CYP3A4: variants seen among roughly 807,000 people sequenced by gnomAD.
CYP3A4 encodes cytochrome P450 family 3 subfamily A member 4, also known as cytochrome P450 3A4.
Under a neutral mutation model 54.9 loss-of-function variants are expected in CYP3A4, and 41 were observed. The observed-to-expected ratio is 0.75, with a 90% CI of 0.58 to 0.97. The LOEUF (loss-of-function observed/expected upper bound fraction) is 0.97. CYP3A4 is among the 50% of genes least tolerant of loss of function. The pLI, the probability that CYP3A4 is intolerant of heterozygous loss-of-function variation, is 0.00. For missense variants in CYP3A4, 510 were observed against 597.3 expected, an observed-to-expected ratio of 0.85 and a Z score of 1.52; for synonymous variants, 179 against 205.2, an observed-to-expected ratio of 0.87 and a Z score of 1.09.
At chr7:99,770,264 C>T (rs1238906809) in intron 4 of CYP3A4, 29 bp from the exon 5 acceptor site, 1 of 1,575,496 alleles carries the variant, frequency 6.3e-7, no homozygotes, top group African/African-American at 1.3e-5. Context: ...ACATTTTGTC[C>T]TACATCAGTT....
chr7:99,766,410 A>G lies in CYP3A4; in HGVS notation c.832T>C (p.Ser278Pro), dbSNP rs1332049048. The part of the protein sequence containing the change: ...RVDFLQLMID[S>P]QNSKETESHK... The stretch of plus-strand genomic sequence containing the variant: ...GACTCAGTTTCTTTTGAATTCTGAG[A>G]GTCAATCATCAGCTGAAGGAAATCC... Residue 278 changes from serine to proline, a missense_variant, in exon 9 of 13, where the codon TCT (serine) becomes CCT (proline). This residue lies in a region of CYP3A4 where 238 missense variants were observed against 322.5 expected (regional missense o/e 0.74). Coordinates refer to ENST00000651514, the MANE Select transcript of CYP3A4 (RefSeq NM_017460.6). 1.2e-6 allele frequency: 2 copies of G among 1,613,578 alleles called. No individual in the cohort carries two copies. Among genetic ancestry groups the G allele is most frequent in the Non-Finnish European group, 1.7e-6 (2 of 1,179,740 alleles).
intron 10 of CYP3A4, 119 bp from the exon 11 acceptor site, chr7:99,762,386 C>T (rs1416395672): frequency 3.7e-6 from 5 of 1,333,818 alleles, no homozygotes; most frequent in Admixed American, 2.1e-5. Flanking sequence ...GGTAAAGGAT[C>T]GAAGCATTTA....
intron 3 of CYP3A4, among the ~76,000 whole-genome samples, chr7:99,773,680 G>A (rs1394515491): frequency 6.6e-6 from 1 of 152,164 alleles, no homozygotes; most frequent in Admixed American, 6.6e-5. Context: ...CAGAATCTCT[G>A]GGACACATTT....
chr7:99,774,472 A>C (rs1357203441), intron 3 of CYP3A4, among the ~76,000 whole-genome samples: 1 of 152,200 alleles, frequency 6.6e-6, no homozygotes, highest in African/African-American at 2.4e-5. Context: ...ATCCAGCAAA[A>C]CATCAAAAAG....
intron 1 of CYP3A4, among the ~76,000 whole-genome samples, chr7:99,782,766 G>A (rs565087173): frequency 3.7e-4 from 57 of 152,206 alleles, no homozygotes; most frequent in African/African-American, 1.2e-3. Context: ...TGCCCTGAGC[G>A]TTTAACATAA....
chr7:99,779,776 A>C (rs1815867813), intron 2 of CYP3A4, among the ~76,000 whole-genome samples: 1 of 152,136 alleles, frequency 6.6e-6, no homozygotes. Flanking sequence ...GATCTACCTG[A>C]GATTTGGGCT....
Position 99,758,106 on chromosome 7 carries a change from G to T in CYP3A4, c.*27C>A, listed in dbSNP as rs192313684. On this transcript the variant is annotated 3_prime_UTR_variant, in exon 13 of 13. Coordinates refer to ENST00000651514, the MANE Select transcript of CYP3A4 (RefSeq NM_017460.6). ...TGTTCTCAGGCACAGATTTCTTGAA[G>T]AGCAAAGCAGAAGTCCTTAGGAAAA... is the stretch of plus-strand genomic sequence containing the variant. 6.3e-7 allele frequency: 1 copy of T among 1,583,934 alleles called. No individual in the cohort carries two copies. Among genetic ancestry groups the T allele is most frequent in the Non-Finnish European group, 8.7e-7 (1 of 1,152,768 alleles).
chr7:99,764,138 G>T, intron 9 of CYP3A4, 123 bp from the exon 10 acceptor site: 1 of 1,395,736 alleles, frequency 7.2e-7, no homozygotes, highest in South Asian at 1.3e-5. Context: ...AAGCAATTCA[G>T]AGGTACACTG....
At position 99,760,941 on chromosome 7, in the gene CYP3A4, A is replaced by G; in HGVS notation, c.1294T>C (p.Tyr432His). 1 of 1,614,082 alleles carries G rather than the reference A, an allele frequency of 6.2e-7. No individual in the cohort carries two copies. The highest frequency in any genetic ancestry group is 8.5e-7 in the Non-Finnish European group (1 of 1,179,972). The change falls in exon 12 of 13, where the codon TAC becomes CAC. Residue 432 changes from tyrosine to histidine, a missense_variant. Physicochemically the swap from Tyr to His is moderately conservative, Grantham distance 83. Coordinates refer to ENST00000651514, the MANE Select transcript of CYP3A4 (RefSeq NM_017460.6). ...CTGGGTCCACTTCCAAAGGGTGTGT[A>G]TATGTAAGGATCTATGTTGTCCTTG... ...KNKDNIDPYI[Y>H]TPFGSGPRNC...
At chr7:99,769,984 A>G in intron 5 of CYP3A4, 128 bp from the exon 6 acceptor site, 2 of 1,561,564 alleles carry the variant, frequency 1.3e-6, no homozygotes, top group South Asian at 2.2e-5. Flanking sequence ...TTTTCTGTAC[A>G]TAAAGATAAA....
At chr7:99,769,634 A>T (rs1403961665) in intron 6 of CYP3A4, 134 bp downstream of exon 6, 5 of 823,470 alleles carry the variant, frequency 6.1e-6, no homozygotes, top group Non-Finnish European at 9.9e-6. Context: ...TGGGAGACCC[A>T]TTGAAGTTGC....
intron 10 of CYP3A4, among the ~76,000 whole-genome samples, chr7:99,762,698 C>G (rs564611663): frequency 6.6e-6 from 1 of 152,236 alleles, no homozygotes; most frequent in Non-Finnish European, 1.5e-5. Context: ...AAACTAGTCC[C>G]TTTCTATCCC....
At chr7:99,779,017 G>T (rs1815846830) in intron 2 of CYP3A4, among the ~76,000 whole-genome samples, 1 of 152,204 alleles carries the variant, frequency 6.6e-6, no homozygotes, top group African/African-American at 2.4e-5. Flanking sequence ...AGAGCTGACT[G>T]CTGCGGCTGG....
chr7:99,763,884 C>G lies in CYP3A4; in HGVS notation c.997G>C (p.Glu333Gln), dbSNP rs768885055. 1 of 1,614,020 alleles carries G rather than the reference C, an allele frequency of 6.2e-7. No individual in the cohort carries two copies. Among genetic ancestry groups the G allele is most frequent in the East Asian group, 2.2e-5 (1 of 44,838 alleles). Reference protein sequence around the residue: ...THPDVQQKLQEEIDAVLPNKA... With the variant: ...THPDVQQKLQQEIDAVLPNKA... ...TTGGGTAAAACTGCATCAATTTCCT[C>G]CTGCAGTTTCTGCTGGACATCAGGG... The change falls in exon 10 of 13, where the codon GAG becomes CAG. Residue 333 changes from glutamate to glutamine, a missense_variant. Transcript: ENST00000651514.
chr7:99,762,288 T>C, intron 10 of CYP3A4, 21 bp from the exon 11 acceptor site: 1 of 1,612,246 alleles, frequency 6.2e-7, no homozygotes, highest in Non-Finnish European at 8.5e-7. Flanking sequence ...CGAAACAGAT[T>C]TGGATAAATT....
rs374508547 is a variant in CYP3A4, at chr7:99,774,318, G to A, written c.219-1629C>T. Among the ~76,000 whole-genome samples the A allele has an allele frequency of 3.8e-4, 58 of 152,292 alleles. No homozygotes were observed. The South Asian group carries it at 0.011, about 29-fold the overall frequency. On this transcript the variant is annotated intron_variant, in intron 3 of 12. Coordinates refer to ENST00000651514, the MANE Select transcript of CYP3A4 (RefSeq NM_017460.6). The stretch of plus-strand genomic sequence containing the variant: ...AATTTTTCTGAACAATAGAAAAGGA[G>A]GGAATCCTCCCTAACTCATTTTATG...
At chr7:99,777,927 G>T (rs528446178) in intron 3 of CYP3A4, 101 bp downstream of exon 3, 24 of 890,940 alleles carry the variant, frequency 2.7e-5, no homozygotes, top group Non-Finnish European at 4.4e-5. Context: ...GTTGACAAGA[G>T]CTTCATCCCA....
chr7:99,762,588 A>G lies in CYP3A4; in HGVS notation c.1027-321T>C, dbSNP rs541808238. On this transcript the variant is annotated intron_variant, in intron 10 of 12. Coordinates refer to ENST00000651514, the MANE Select transcript of CYP3A4 (RefSeq NM_017460.6). ...CACACACACATATATATGTGTATAT[A>G]TATGTGTATACACACACTAAAAGGA... 6.6e-5 allele frequency among the ~76,000 whole-genome samples: 10 copies of G among 152,244 alleles called. No individual in the cohort carries two copies. In the South Asian group the frequency reaches 1.2e-3, roughly 19 times the overall value.
intron 11 of CYP3A4, among the ~76,000 whole-genome samples, chr7:99,761,405 T>C (rs1313776379): frequency 6.6e-6 from 1 of 152,110 alleles, no homozygotes; most frequent in Non-Finnish European, 1.5e-5. Flanking sequence ...AATTGTTATT[T>C]TGCACTTTCC....
Sources: gnomAD v4.1 joint callset for allele counts (sites outside exome capture counted in the v4.1 genomes callset) on GRCh38, gnomAD v4.1.1 for gene constraint, gnomAD v4.1.1 regional missense constraint, MANE v1.5 for transcripts, NCBI Gene and HGNC (gene_info 2026-07-23, HGNC 2026-07-21) for gene names.